Variants in PCSK5 observed in about 807,000 individuals in gnomAD.
PCSK5 encodes the protein proprotein convertase subtilisin/kexin type 5, also known as prohormone convertase 5.
PCSK5 carries 129 observed loss-of-function variants against 233.2 expected under a neutral mutation model. The observed-to-expected ratio is 0.55, with a 90% CI of 0.48 to 0.64. The LOEUF is 0.64. Among genes scored for constraint, PCSK5 ranks in the 30% least tolerant of loss-of-function variants. PCSK5 has a pLI of 0.00. For missense variants in PCSK5, 2,076 were observed against 2,430.1 expected (o/e 0.85, Z 3.06); for synonymous variants, 825 against 879.2 (o/e 0.94, Z 1.09).
At chr9:76,232,004 C>G (rs985993271) in intron 21 of PCSK5, among the ~76,000 whole-genome samples, 4 of 152,166 alleles carry the variant, frequency 2.6e-5, no homozygotes, top group African/African-American at 9.7e-5. Flanking sequence ...ATGACACAGA[C>G]TTTCAGGGTA....
intron 24 of PCSK5, among the ~76,000 whole-genome samples, chr9:76,256,490 G>A (rs1826986444): frequency 6.6e-6 from 1 of 152,184 alleles, no homozygotes; most frequent in Non-Finnish European, 1.5e-5. Flanking sequence ...AGCAATGTGG[G>A]GTCTGTGACA....
chr9:76,265,559 G>C (rs978893256), intron 24 of PCSK5, among the ~76,000 whole-genome samples: 7 of 152,064 alleles, frequency 4.6e-5, no homozygotes, highest in African/African-American at 1.4e-4. Context: ...ACATTACTGG[G>C]TCAATTGAAA....
At chr9:75,905,321 C>T (rs1209276205) in intron 1 of PCSK5, among the ~76,000 whole-genome samples, 1 of 151,636 alleles carries the variant, frequency 6.6e-6, no homozygotes, top group Non-Finnish European at 1.5e-5. Flanking sequence ...CCAGCCTGGG[C>T]AATAAAGTGA....
intron 14 of PCSK5, among the ~76,000 whole-genome samples, chr9:76,175,905 C>T (rs1051208424): frequency 2.6e-5 from 4 of 151,928 alleles, no homozygotes; most frequent in African/African-American, 9.7e-5. Context: ...TACAGTAATC[C>T]TCTTATCTCC....
In PCSK5 at chr9:76,358,564, A is replaced by G. The variant is rs780830599; in HGVS notation, c.5306A>G (p.Lys1769Arg). Reference sequence around the variant, plus strand: ...GTTAGGCCTGCAACTGAGCATTTCAAGACAGCTCTGTTCATCACCTCCTCC... The same window carrying G: ...GTTAGGCCTGCAACTGAGCATTTCAGGACAGCTCTGTTCATCACCTCCTCC... ...SKVRPATEHFKTALFITSSMM... is the reference protein window; with the variant it reads ...SKVRPATEHFRTALFITSSMM... Residue 1769 changes from lysine (K) to arginine (R), a missense_variant, in exon 38 of 38, where the codon AAG becomes AGG. By Grantham distance (26) the Lys-to-Arg change is conservative (BLOSUM62 2). Coordinates refer to ENST00000674117, the MANE Select transcript of PCSK5 (RefSeq NM_001372043.1). 3 of 1,612,624 alleles carry G rather than the reference A, an allele frequency of 1.9e-6. No homozygotes were observed. Among genetic ancestry groups the G allele is most frequent in the Non-Finnish European group, 2.5e-6 (3 of 1,179,822 alleles).
intron 24 of PCSK5, among the ~76,000 whole-genome samples, chr9:76,261,501 A>G (rs1485814986): frequency 2.6e-5 from 4 of 152,172 alleles, no homozygotes; most frequent in Non-Finnish European, 4.4e-5. Context: ...GGGCCAAATC[A>G]AGAATGGAAT....
intron 3 of PCSK5, among the ~76,000 whole-genome samples, chr9:76,018,806 T>C (rs771250370): frequency 1.3e-5 from 2 of 152,234 alleles, no homozygotes; most frequent in Non-Finnish European, 2.9e-5. Flanking sequence ...CTTAAACAAC[T>C]GTATTCCACT....
chr9:75,927,273 T>C (rs933885268), intron 1 of PCSK5, among the ~76,000 whole-genome samples: 1 of 152,156 alleles, frequency 6.6e-6, no homozygotes, highest in African/African-American at 2.4e-5. Flanking sequence ...GCCCCTTTGG[T>C]TAATTTGTTT....
intron 2 of PCSK5, among the ~76,000 whole-genome samples, chr9:75,958,404 G>C (rs919239022): frequency 6.6e-6 from 1 of 152,084 alleles, no homozygotes; most frequent in Non-Finnish European, 1.5e-5. Flanking sequence ...TGTTTTACTC[G>C]GTATGCTTAA....
chr9:75,920,327 A>G (rs1823196146), intron 1 of PCSK5, among the ~76,000 whole-genome samples: 3 of 152,070 alleles, frequency 2.0e-5, no homozygotes, highest in Non-Finnish European at 4.4e-5. Context: ...GGGGGTCTCT[A>G]TCACCCAGGC....
chr9:76,329,350 G>A (rs1235055804), intron 33 of PCSK5, among the ~76,000 whole-genome samples: 1 of 150,786 alleles, frequency 6.6e-6, no homozygotes, highest in African/African-American at 2.4e-5. Flanking sequence ...TTAGAGACAA[G>A]GGTCTCACTG....
intron 3 of PCSK5, among the ~76,000 whole-genome samples, chr9:76,016,250 A>C (rs1827943777): frequency 6.6e-6 from 1 of 152,228 alleles, no homozygotes; most frequent in African/African-American, 2.4e-5. Context: ...GGCTGTTTCC[A>C]GTGGTACACT....
At chr9:76,078,935 T>C (rs1830734482) in intron 7 of PCSK5, among the ~76,000 whole-genome samples, 1 of 152,224 alleles carries the variant, frequency 6.6e-6, no homozygotes, top group Non-Finnish European at 1.5e-5. Flanking sequence ...TTTAACAATA[T>C]TGATTCTTCC....
At chr9:75,957,073 G>C (rs1330846812) in intron 2 of PCSK5, among the ~76,000 whole-genome samples, 3 of 152,170 alleles carry the variant, frequency 2.0e-5, no homozygotes, top group Non-Finnish European at 2.9e-5. Context: ...GAGGGCTGCT[G>C]TCTGTAGGCT....
intron 5 of PCSK5, among the ~76,000 whole-genome samples, chr9:76,054,149 C>A (rs2050834): frequency 0.11 from 17,073 of 152,098 alleles, 1,147 homozygotes; most frequent in South Asian, 0.27. Context: ...GAAAAACCCA[C>A]CCCCATGATT....
At chr9:76,262,565 G>A (rs984817747) in intron 24 of PCSK5, among the ~76,000 whole-genome samples, 3 of 149,576 alleles carry the variant, frequency 2.0e-5, no homozygotes, top group African/African-American at 7.4e-5. Context: ...GGGAAAACTG[G>A]CTAGCCATAT....
chr9:76,324,165 A>T (rs1441319261), intron 32 of PCSK5, among the ~76,000 whole-genome samples: 1 of 151,470 alleles, frequency 6.6e-6, no homozygotes, highest in Non-Finnish European at 1.5e-5. Context: ...ACCTCAAGTG[A>T]TCCACCTGCC....
intron 30 of PCSK5, 78 bp downstream of exon 30, chr9:76,310,929 A>C: frequency 2.1e-6 from 2 of 970,438 alleles, no homozygotes; most frequent in Admixed American, 2.9e-5. Flanking sequence ...TTTCTTATTC[A>C]CCAAAAAACT....
chr9:76,255,672 A>T (rs527392340), intron 24 of PCSK5, among the ~76,000 whole-genome samples: 26 of 150,884 alleles, frequency 1.7e-4, no homozygotes, highest in Middle Eastern at 3.4e-3. Context: ...CTACAAATAA[A>T]TTTTTTTTTT....
Sources: gnomAD v4.1 joint callset for allele counts (sites outside exome capture counted in the v4.1 genomes callset) on GRCh38, gnomAD v4.1.1 for gene constraint, MANE v1.5 for transcripts, NCBI Gene and HGNC (gene_info 2026-07-23, HGNC 2026-07-21) for gene names.